The following ANAPC4 variants were observed in gnomAD, a reference collection of about 807,000 sequenced individuals.
ANAPC4 encodes anaphase promoting complex subunit 4, also known as anaphase-promoting complex subunit 4.
A neutral mutation model predicts 119.8 loss-of-function variants in ANAPC4; 63 were observed. The observed-to-expected ratio is 0.53, with a 90% CI of 0.43 to 0.65. The LOEUF is 0.65. Ranked by LOEUF, ANAPC4 falls within the 30% of genes least tolerant of loss-of-function variation. ANAPC4 has a pLI of 0.00. For missense variants in ANAPC4, 716 were observed against 945.1 expected (o/e 0.76, Z 3.18); for synonymous variants, 283 against 318.6 (o/e 0.89, Z 1.19).
chr4:25,414,911 T>A (rs1723776936), intron 25 of ANAPC4, among the ~76,000 whole-genome samples: 1 of 151,644 alleles, frequency 6.6e-6, no homozygotes, highest in Non-Finnish European at 1.5e-5. Flanking sequence ...TATTGGCATA[T>A]AATCATTGTA....
chr4:25,407,222 G>A lies in ANAPC4; in HGVS notation c.1400G>A (p.Gly467Glu), dbSNP rs1723301499. 1 of 1,608,372 alleles carries A rather than the reference G, an allele frequency of 6.2e-7. No individual in the cohort carries two copies. Residue 467 changes from glycine to glutamate, a missense_variant, in exon 20 of 29, where the codon GGA (glycine) becomes GAA (glutamate). Physicochemically the swap from Gly to Glu is moderately conservative, Grantham distance 98. Coordinates refer to ENST00000315368, the MANE Select transcript of ANAPC4 (RefSeq NM_013367.3). ...NEAPDLYNRK[G>E]KYFNVERVGQ... Reference sequence around the variant, plus strand: ...GCTCCAGACCTTTATAATCGAAAAGGAAAATACTTTAACGTTGAAAGAGTT... The same window carrying A: ...GCTCCAGACCTTTATAATCGAAAAGAAAAATACTTTAACGTTGAAAGAGTT...
At position 25,414,350 on chromosome 4, in the gene ANAPC4, A is replaced by G. The variant is rs1395911582; in HGVS notation, c.1650A>G (p.Gln550=). ...ATGTAATTGGAAAATCGATGAATCA[A>G]GCAATCTGTATTCCATTGTATAGAG... is the stretch of plus-strand genomic sequence containing the variant. The part of the protein sequence containing the change: ...PADVIGKSMN[Q]AICIPLYRDT... The change falls in exon 23 of 29, where the codon CAA becomes CAG. Residue 550 remains glutamine (Q), a synonymous_variant. Transcript: ENST00000315368. 1 of 1,599,686 alleles carries G rather than the reference A, an allele frequency of 6.3e-7. No homozygotes were observed. The highest frequency in any genetic ancestry group is 1.7e-5 in the Admixed American group (1 of 59,108).
intron 16 of ANAPC4, among the ~76,000 whole-genome samples, chr4:25,401,693 G>A (rs2168971): frequency 6.6e-6 from 1 of 152,106 alleles, no homozygotes; most frequent in Non-Finnish European, 1.5e-5. Flanking sequence ...TCAGTCTTCC[G>A]TCACTTTTGA....
intron 26 of ANAPC4, chr4:25,416,086 A>G (rs1723855889): frequency 5.4e-6 from 1 of 183,992 alleles, no homozygotes; most frequent in Admixed American, 6.0e-5. Context: ...TTCTCAGTCT[A>G]GTCAACTCTG....
chr4:25,390,904 T>C lies in ANAPC4; in HGVS notation c.601-7T>C. ...TAAATATACTAAGGGGTTTGACTCTTTTACAGATTGCTGGTACTTGTCTTG... is the reference window on the plus strand; with the variant it reads ...TAAATATACTAAGGGGTTTGACTCTCTTACAGATTGCTGGTACTTGTCTTG... On this transcript the variant is annotated splice_polypyrimidine_tract_variant and splice_region_variant and intron_variant, in intron 8 of 28. Transcript: ENST00000315368. 6.2e-7 allele frequency: 1 copy of C among 1,608,484 alleles called. No individual in the cohort carries two copies. Among genetic ancestry groups the C allele is most frequent in the Non-Finnish European group, 8.5e-7 (1 of 1,175,208 alleles).
At chr4:25,392,219 C>A in intron 9 of ANAPC4, 119 bp from the exon 10 acceptor site, 1 of 710,930 alleles carries the variant, frequency 1.4e-6, no homozygotes. Context: ...CCGTTCTGCT[C>A]AAAGAGGGCA....
chr4:25,413,991 A>G (rs1723721452), intron 22 of ANAPC4: 1 of 480,410 alleles, frequency 2.1e-6, no homozygotes, highest in South Asian at 3.7e-5. Context: ...TGAGTATTTT[A>G]TTTGTTCCCA....
At chr4:25,403,459 T>C (rs1365819652) in intron 17 of ANAPC4, among the ~76,000 whole-genome samples, 1 of 152,174 alleles carries the variant, frequency 6.6e-6, no homozygotes, top group Non-Finnish European at 1.5e-5. Flanking sequence ...TTTTACTTTA[T>C]AATGTCTCCT....
intron 9 of ANAPC4, 117 bp downstream of exon 9, chr4:25,391,132 G>T: frequency 1.4e-6 from 1 of 712,082 alleles, no homozygotes; most frequent in South Asian, 2.1e-5. Context: ...CAAAAAAATC[G>T]ACTTGGAATT....
rs1156964264 is a variant in ANAPC4 at position 25,418,266 on chromosome 4, A to G, written c.2311A>G (p.Ile771Val). The stretch of plus-strand genomic sequence containing the variant: ...GGAGGCCAGTAATAAGCCTGTAAAA[A>G]TAAAGGAAGAAGTGTTGTCGGAGTC... ...EEEASNKPVK[I>V]KEEVLSESEA... Residue 771 changes from isoleucine to valine, a missense_variant, in exon 29 of 29, where the codon ATA (isoleucine) becomes GTA (valine). Ile to Val is a conservative substitution (Grantham distance 29). Transcript: ENST00000315368. The G allele has an allele frequency of 6.2e-7, 1 of 1,614,122 alleles. No individual in the cohort carries two copies. The highest frequency in any genetic ancestry group is 8.5e-7 in the Non-Finnish European group (1 of 1,179,984).
chr4:25,383,379 G>T lies in ANAPC4; in HGVS notation c.354G>T (p.Val118=). The part of the protein sequence containing the change: ...APVSCMHWME[V]TVESSVLTSF... ...TTTCCTGTATGCATTGGATGGAAGT[G>T]ACAGTAGAAAGCAGGTAATTAGAAA... The change falls in exon 4 of 29, where the codon GTG becomes GTT. Residue 118 remains valine, a synonymous_variant. Coordinates refer to ENST00000315368, the MANE Select transcript of ANAPC4 (RefSeq NM_013367.3). 6.2e-7 allele frequency: 1 copy of T among 1,608,140 alleles called. No homozygotes were observed. The highest frequency in any genetic ancestry group is 1.1e-5 in the South Asian group (1 of 89,186).
intron 7 of ANAPC4, among the ~76,000 whole-genome samples, chr4:25,389,807 T>C (rs561504356): frequency 3.9e-5 from 6 of 152,374 alleles, no homozygotes; most frequent in Non-Finnish European, 7.3e-5. Flanking sequence ...ATAACCATGA[T>C]AAAACTGATG....
In ANAPC4 at chr4:25,407,271, AT is replaced by A; in HGVS notation, c.1431+22del. 2 of 1,586,504 alleles carry A rather than the reference AT, an allele frequency of 1.3e-6. No homozygotes were observed. The highest frequency in any genetic ancestry group is 1.2e-5 in the South Asian group (1 of 86,600). On this transcript the variant is annotated intron_variant, in intron 20 of 28. Transcript: ENST00000315368. ...TTGGTCAGGTATGGGCTTTGAACTC[AT>A]TTTAAAACCTTAGCAGTGTTCATCT...
intron 9 of ANAPC4, 65 bp from the exon 10 acceptor site, chr4:25,392,273 C>CTA: frequency 3.4e-6 from 4 of 1,179,626 alleles, no homozygotes. Context: ...GACCCACACT[C>CTA]TAAATTACAG....
At chr4:25,383,594 A>G (rs1248730361) in intron 4 of ANAPC4, among the ~76,000 whole-genome samples, 2 of 151,978 alleles carry the variant, frequency 1.3e-5, no homozygotes, top group African/African-American at 4.8e-5. Flanking sequence ...CCTCAGAGAT[A>G]TTGTGGGCTT....
At chr4:25,404,987 A>G (rs1289155609) in intron 17 of ANAPC4, among the ~76,000 whole-genome samples, 2 of 151,958 alleles carry the variant, frequency 1.3e-5, no homozygotes, top group Non-Finnish European at 2.9e-5. Flanking sequence ...TGCAATTAAG[A>G]ACCATGTTCA....
At chr4:25,396,630 A>C in intron 14 of ANAPC4, 34 bp from the exon 15 acceptor site, 1 of 1,468,654 alleles carries the variant, frequency 6.8e-7, no homozygotes, top group South Asian at 1.3e-5. Context: ...GATGATCGTC[A>C]TGATACTAAT....
intron 16 of ANAPC4, 143 bp downstream of exon 16, chr4:25,397,042 G>C (rs1303551897): frequency 1.3e-6 from 1 of 787,052 alleles, no homozygotes; most frequent in Non-Finnish European, 2.0e-6. Flanking sequence ...GTTCCGAAAA[G>C]CCAGCAGCAC....
chr4:25,405,788 T>C lies in ANAPC4; in HGVS notation c.1317+169T>C, dbSNP rs1723220350. 6.6e-6 allele frequency among the ~76,000 whole-genome samples: 1 copy of C among 152,244 alleles called. No individual in the cohort carries two copies. The highest frequency in any genetic ancestry group is 1.5e-5 in the Non-Finnish European group (1 of 68,044). On this transcript the variant is annotated intron_variant, in intron 18 of 28. Coordinates refer to ENST00000315368, the MANE Select transcript of ANAPC4 (RefSeq NM_013367.3). This position sits in a 1 kb window ranked among gnomAD's most constrained non-coding sequence, Gnocchi z 4.6. ...AAAAAAGAAATTTGCATGTTTTGTG[T>C]ATTGTTTCATCTCATAGAATACCTT...
Sources: allele counts gnomAD v4.1 joint callset (sites outside exome capture counted in the v4.1 genomes callset), GRCh38; gene constraint gnomAD v4.1.1; non-coding constraint Gnocchi (gnomAD v3.1); transcripts MANE v1.5; gene names NCBI Gene and HGNC (gene_info 2026-07-23, HGNC 2026-07-21).